The following ST3GAL3 variants were observed in gnomAD, a reference collection of about 807,000 sequenced individuals.
ST3GAL3 encodes the protein CMP-N-acetylneuraminate-beta-1,4-galactoside alpha-2,3-sialyltransferase.
A neutral mutation model predicts 50.1 loss-of-function variants in ST3GAL3; 21 were observed. The ratio of observed to expected loss-of-function variants is 0.42; its 90% confidence interval spans 0.30 to 0.60. The LOEUF (loss-of-function observed/expected upper bound fraction) is 0.60, where lower values mean the gene tolerates loss of function less well. Ranked by LOEUF, ST3GAL3 falls within the 20% of genes least tolerant of loss-of-function variation. ST3GAL3 has a pLI of 0.19. For missense variants in ST3GAL3, 353 were observed against 489.4 expected (o/e 0.72, Z 2.63); for synonymous variants, 183 against 190.0 (o/e 0.96, Z 0.30).
chr1:43,736,983 C>T (rs553857084), intron 2 of ST3GAL3: 2 of 192,568 alleles, frequency 1.0e-5, no homozygotes, highest in East Asian at 1.5e-4. Context: ...TTCCACATAG[C>T]CTGAATCCCA....
chr1:43,856,950 T>C (rs994210434), intron 5 of ST3GAL3, among the ~76,000 whole-genome samples: 1 of 152,192 alleles, frequency 6.6e-6, no homozygotes, highest in African/African-American at 2.4e-5. Context: ...GGGATTTTTT[T>C]TTTTTAGATC....
chr1:43,844,989 G>GT (rs2066002895), intron 5 of ST3GAL3, among the ~76,000 whole-genome samples: 1 of 152,090 alleles, frequency 6.6e-6, no homozygotes, highest in Admixed American at 6.6e-5. Context: ...TTTTGTTGTT[G>GT]TTTTTGGTTT....
intron 5 of ST3GAL3, chr1:43,839,937 A>G (rs1035505116): frequency 2.0e-5 from 3 of 152,108 alleles, no homozygotes; most frequent in Non-Finnish European, 4.4e-5. Flanking sequence ...GAACAGCACC[A>G]GGGGGATGGT....
chr1:43,818,109 C>T (rs2061645793), intron 4 of ST3GAL3, among the ~76,000 whole-genome samples: 1 of 152,112 alleles, frequency 6.6e-6, no homozygotes, highest in African/African-American at 2.4e-5. Context: ...TAAATATTCC[C>T]TCTGCCCCAC....
chr1:43,720,804 T>G (rs1238597663), intron 1 of ST3GAL3, among the ~76,000 whole-genome samples: 2 of 152,250 alleles, frequency 1.3e-5, no homozygotes, highest in African/African-American at 4.8e-5. Flanking sequence ...CCCAAGAGTA[T>G]GTCCATACAA....
chr1:43,857,973 G>A (rs1379350481), intron 5 of ST3GAL3, among the ~76,000 whole-genome samples: 1 of 152,080 alleles, frequency 6.6e-6, no homozygotes, highest in East Asian at 1.9e-4. Flanking sequence ...ATCATTCTGT[G>A]ACAAAATAGA....
At position 43,899,134 on chromosome 1, in the gene ST3GAL3, C is replaced by G. The variant is rs1203707785; in HGVS notation, c.462-34C>G. The G allele has an allele frequency of 2.5e-6, 4 of 1,613,796 alleles. No individual in the cohort carries two copies. Among genetic ancestry groups the G allele is most frequent in the Non-Finnish European group, 2.5e-6 (3 of 1,179,980 alleles). On this transcript the variant is annotated intron_variant, in intron 7 of 11. Coordinates refer to ENST00000347631, the MANE Select transcript of ST3GAL3 (RefSeq NM_006279.5). This position sits in a 1 kb window ranked among gnomAD's most constrained non-coding sequence, Gnocchi z 5.4. Reference sequence around the variant, plus strand: ...AGGGAAAGAGACCTGGTGGGCAGCTCTCTGTACAGAGGTCTCCGCCTCTCT... The same window carrying G: ...AGGGAAAGAGACCTGGTGGGCAGCTGTCTGTACAGAGGTCTCCGCCTCTCT...
In ST3GAL3 at chr1:43,858,942, A is replaced by G. The variant is rs556944717; in HGVS notation, c.302+20631A>G. On this transcript the variant is annotated intron_variant, in intron 5 of 11. Transcript: ENST00000347631. ...TCTGCCTTCTGCCCTGATGCAGGCA[A>G]AGAGTCCAGATCCAGGCAAATGAAG... Among the ~76,000 whole-genome samples the G allele has an allele frequency of 7.9e-5, 12 of 152,312 alleles. No homozygotes were observed. The South Asian group carries it at 1.2e-3, about 16-fold the overall frequency.
At chr1:43,730,001 T>C (rs1344404070) in intron 1 of ST3GAL3, among the ~76,000 whole-genome samples, 1 of 152,234 alleles carries the variant, frequency 6.6e-6, no homozygotes, top group Non-Finnish European at 1.5e-5. Context: ...ACTTTTGTCC[T>C]AGCGGCGAGT....
At chr1:43,811,828 C>G (rs1318856567) in intron 3 of ST3GAL3, among the ~76,000 whole-genome samples, 1 of 152,174 alleles carries the variant, frequency 6.6e-6, no homozygotes, top group African/African-American at 2.4e-5. Context: ...CTGTTCATAA[C>G]ACAGCTCCCC....
chr1:43,794,749 A>T (rs934983087), intron 3 of ST3GAL3, among the ~76,000 whole-genome samples: 1 of 152,368 alleles, frequency 6.6e-6, no homozygotes, highest in East Asian at 1.9e-4. Flanking sequence ...TGAGCAAACC[A>T]TAGCCAGATG....
chr1:43,924,139 T>C (rs2154297288), intron 11 of ST3GAL3, among the ~76,000 whole-genome samples: 1 of 152,284 alleles, frequency 6.6e-6, no homozygotes, highest in South Asian at 2.1e-4. Flanking sequence ...GGAAATCTCA[T>C]AGGAAGCTAG....
At chr1:43,756,327 A>C (rs1688097711) in intron 2 of ST3GAL3, among the ~76,000 whole-genome samples, 1 of 151,996 alleles carries the variant, frequency 6.6e-6, no homozygotes, top group Non-Finnish European at 1.5e-5. Context: ...GGAGGGAGGG[A>C]TTGCAAACGG....
At chr1:43,748,118 C>G (rs780764186) in intron 2 of ST3GAL3, among the ~76,000 whole-genome samples, 2 of 152,034 alleles carry the variant, frequency 1.3e-5, no homozygotes, top group Non-Finnish European at 2.9e-5. Context: ...GAACTAGGAG[C>G]AGAAACCAAA....
chr1:43,846,152 TG>T (rs1283563694), intron 5 of ST3GAL3, among the ~76,000 whole-genome samples: 3 of 152,234 alleles, frequency 2.0e-5, no homozygotes, highest in Non-Finnish European at 4.4e-5. Flanking sequence ...GGTTGGTTTA[TG>T]GTATGTGTCT....
chr1:43,779,707 A>G (rs1480216227), intron 2 of ST3GAL3, among the ~76,000 whole-genome samples: 1 of 152,208 alleles, frequency 6.6e-6, no homozygotes, highest in African/African-American at 2.4e-5. Flanking sequence ...TTAGAGCAAT[A>G]TTCAGTCTAT....
At chr1:43,791,980 T>G (rs1209627111) in intron 2 of ST3GAL3, 122 bp from the exon 3 acceptor site, 2 of 1,161,232 alleles carry the variant, frequency 1.7e-6, no homozygotes, top group Non-Finnish European at 2.6e-6. Context: ...GAGGCTGGGC[T>G]GTTCGACTGA....
chr1:43,710,330 C>A (rs1287770559), intron 1 of ST3GAL3, among the ~76,000 whole-genome samples: 1 of 152,200 alleles, frequency 6.6e-6, no homozygotes, highest in African/African-American at 2.4e-5. Flanking sequence ...GATCTGCCCA[C>A]CTTAGCCTCC....
At chr1:43,849,894 C>T (rs2066953897) in intron 5 of ST3GAL3, among the ~76,000 whole-genome samples, 1 of 152,196 alleles carries the variant, frequency 6.6e-6, no homozygotes, top group African/African-American at 2.4e-5. Flanking sequence ...TGTGTACAAG[C>T]TGTGGACAGG....
Sources: gnomAD v4.1 joint callset for allele counts (sites outside exome capture counted in the v4.1 genomes callset) on GRCh38, gnomAD v4.1.1 for gene constraint, Gnocchi (gnomAD v3.1) non-coding constraint, MANE v1.5 for transcripts, NCBI Gene and HGNC (gene_info 2026-07-23, HGNC 2026-07-21) for gene names.